The following DIP2B variants were observed in gnomAD, a reference collection of about 807,000 sequenced individuals.
DIP2B encodes the protein DIP2 acetate--CoA ligase B (putative), also known as disco-interacting protein 2 homolog B.
Under a neutral mutation model 198.0 loss-of-function variants are expected in DIP2B, and 76 were observed. That is an observed-to-expected ratio of 0.38 (90% CI 0.32 to 0.46). The LOEUF is 0.46. DIP2B is among the 20% of genes least tolerant of loss of function. The probability of loss-of-function intolerance (pLI) is 0.99; values close to 1 mark genes in which losing one functional copy is unlikely to be tolerated. For missense variants in DIP2B, 1,559 were observed against 1,978.4 expected (o/e 0.79, Z 4.02); for synonymous variants, 701 against 739.1 (o/e 0.95, Z 0.84).
chr12:50,652,346 TACACACACACACAC>T (rs34791599), intron 3 of DIP2B, among the ~76,000 whole-genome samples: 1 of 140,438 alleles, frequency 7.1e-6, no homozygotes, highest in African/African-American at 2.6e-5. Context: ...ATATATATAA[TACACACACACACAC>T]ACACACACAC....
At chr12:50,564,078 A>G (rs765564567) in intron 1 of DIP2B, among the ~76,000 whole-genome samples, 1 of 151,898 alleles carries the variant, frequency 6.6e-6, no homozygotes, top group African/African-American at 2.4e-5. Flanking sequence ...AAGTATCCCT[A>G]TATTTGTATG....
At chr12:50,629,215 C>T (rs1937995330) in intron 2 of DIP2B, among the ~76,000 whole-genome samples, 1 of 152,148 alleles carries the variant, frequency 6.6e-6, no homozygotes, top group Non-Finnish European at 1.5e-5. Flanking sequence ...TCACTTCCTG[C>T]TGCTCCTGGT....
At chr12:50,639,727 A>G (rs906824104) in intron 2 of DIP2B, among the ~76,000 whole-genome samples, 1 of 152,136 alleles carries the variant, frequency 6.6e-6, no homozygotes, top group Non-Finnish European at 1.5e-5. Flanking sequence ...CTTGCTGGGC[A>G]TAACCGGGTG....
At position 50,744,637 on chromosome 12, in the gene DIP2B, G is replaced by T; in HGVS notation, c.4529G>T (p.Gly1510Val). The T allele has an allele frequency of 1.2e-6, 2 of 1,614,196 alleles. No homozygotes were observed. The highest frequency in any genetic ancestry group is 1.7e-6 in the Non-Finnish European group (2 of 1,180,042). The change falls in exon 38 of 38, where the codon GGC (glycine) becomes GTC (valine). Residue 1510 changes from glycine (G) to valine (V), a missense_variant. Coordinates refer to ENST00000301180, the MANE Select transcript of DIP2B (RefSeq NM_173602.3). The part of the protein sequence containing the change: ...NLLVVVVELC[G>V]SEQEALDLVP... ...CTTGTGGTGGTTGTGGAACTGTGCG[G>T]CTCTGAACAGGAAGCCCTAGATCTG...
chr12:50,579,647 ATATATATATATATATATATATATATATAT>A (rs1958702900), intron 1 of DIP2B, among the ~76,000 whole-genome samples: 2 of 546 alleles, frequency 3.7e-3, no homozygotes, highest in Admixed American at 0.019. Context: ...AAAAAAAAAT[ATATATATATATATATATATATATATATAT>A]ATATATATAT....
In DIP2B at chr12:50,663,587, T is replaced by C. The variant is rs555291846; in HGVS notation, c.427+3268T>C. On this transcript the variant is annotated intron_variant, in intron 4 of 37. Transcript: ENST00000301180. ...ATAAATAAATAAATAAATAAAACAGTTGTGGCCAGGTGTGTTGGCTCATAC... is the reference window on the plus strand; with the variant it reads ...ATAAATAAATAAATAAATAAAACAGCTGTGGCCAGGTGTGTTGGCTCATAC... Among the ~76,000 whole-genome samples, 27 of 151,322 alleles carry C rather than the reference T, an allele frequency of 1.8e-4. 1 individual carries two copies. Among genetic ancestry groups the C allele is most frequent in the South Asian group, 8.3e-4 (4 of 4,794 alleles).
chr12:50,522,247 C>T (rs927489679), intron 1 of DIP2B, among the ~76,000 whole-genome samples: 14 of 151,570 alleles, frequency 9.2e-5, no homozygotes, highest in African/African-American at 2.9e-4. Context: ...GTGATCCACA[C>T]GCCTTGGCCT....
At chr12:50,724,970 T>C in intron 28 of DIP2B, 84 bp downstream of exon 28, 1 of 1,368,774 alleles carries the variant, frequency 7.3e-7, no homozygotes, top group Non-Finnish European at 1.0e-6. Flanking sequence ...CCAGACGTGT[T>C]TACCCTGCCT....
chr12:50,693,706 G>A (rs1260478894), intron 14 of DIP2B, among the ~76,000 whole-genome samples: 1 of 152,160 alleles, frequency 6.6e-6, no homozygotes, highest in African/African-American at 2.4e-5. Context: ...CTTTTGAGGA[G>A]GTAAGAAGAA....
chr12:50,594,844 T>G (rs115719721), intron 1 of DIP2B, among the ~76,000 whole-genome samples: 2,033 of 152,362 alleles, frequency 0.013, 51 homozygotes, highest in African/African-American at 0.046. Context: ...TATGTTTTGC[T>G]GTTTTTATTT....
intron 9 of DIP2B, among the ~76,000 whole-genome samples, chr12:50,681,107 T>A (rs1471550720): frequency 6.6e-6 from 1 of 152,174 alleles, no homozygotes; most frequent in Non-Finnish European, 1.5e-5. Context: ...CTGATTTTTT[T>A]ATTTTATTTT....
At chr12:50,561,755 G>T (rs1004563471) in intron 1 of DIP2B, among the ~76,000 whole-genome samples, 5 of 152,148 alleles carry the variant, frequency 3.3e-5, no homozygotes. Context: ...TTACAGGCGT[G>T]TGCAACCATG....
intron 5 of DIP2B, among the ~76,000 whole-genome samples, chr12:50,673,181 C>G (rs1565866366): frequency 6.6e-6 from 1 of 152,080 alleles, no homozygotes; most frequent in African/African-American, 2.4e-5. Context: ...GGAATATACT[C>G]ATGTTAGTAT....
chr12:50,695,071 G>T (rs139824701), intron 14 of DIP2B, among the ~76,000 whole-genome samples, 196 bp from the exon 15 acceptor site: 4 of 152,238 alleles, frequency 2.6e-5, no homozygotes, highest in Non-Finnish European at 5.9e-5. Flanking sequence ...CTCTGGCGAG[G>T]AGAGGAGGGA....
chr12:50,607,393 A>G (rs187375065), intron 1 of DIP2B, among the ~76,000 whole-genome samples: 1 of 152,352 alleles, frequency 6.6e-6, no homozygotes, highest in Admixed American at 6.5e-5. Flanking sequence ...CTTCCACAGC[A>G]TTACACAGAT....
At chr12:50,550,388 T>C (rs1958417331) in intron 1 of DIP2B, among the ~76,000 whole-genome samples, 1 of 152,166 alleles carries the variant, frequency 6.6e-6, no homozygotes, top group Non-Finnish European at 1.5e-5. Context: ...ATTGAAGTAC[T>C]CAGAATCTAA....
At chr12:50,658,525 A>ATTAT (rs1335301203) in intron 3 of DIP2B, among the ~76,000 whole-genome samples, 2 of 152,248 alleles carry the variant, frequency 1.3e-5, no homozygotes, top group African/African-American at 4.8e-5. Flanking sequence ...TTTCTGAAGA[A>ATTAT]ATAAGTACAT....
At chr12:50,590,204 G>T (rs1958807204) in intron 1 of DIP2B, among the ~76,000 whole-genome samples, 1 of 151,352 alleles carries the variant, frequency 6.6e-6, no homozygotes. Context: ...CCACTATGTT[G>T]CCCAGGCTGA....
At chr12:50,606,346 C>T (rs928096330) in intron 1 of DIP2B, among the ~76,000 whole-genome samples, 1 of 151,900 alleles carries the variant, frequency 6.6e-6, no homozygotes, top group Non-Finnish European at 1.5e-5. Flanking sequence ...GTCTGGAACT[C>T]CTGGACCTCA....
Sources: gnomAD v4.1 joint callset for allele counts (sites outside exome capture counted in the v4.1 genomes callset) on GRCh38, gnomAD v4.1.1 for gene constraint, MANE v1.5 for transcripts, NCBI Gene and HGNC (gene_info 2026-07-23, HGNC 2026-07-21) for gene names.